The following DCC variants were observed in gnomAD, a reference collection of about 807,000 sequenced individuals.
DCC encodes the protein DCC netrin 1 receptor, also known as netrin receptor DCC.
In DCC, 58 loss-of-function variants were observed where a neutral mutation model predicts 172.5. That is an observed-to-expected ratio of 0.34 (90% CI 0.27 to 0.42). The LOEUF (loss-of-function observed/expected upper bound fraction) is 0.42, where lower values mean the gene tolerates loss of function less well. Among genes scored for constraint, DCC ranks in the 10% least tolerant of loss-of-function variants. The pLI, the probability that DCC is intolerant of heterozygous loss-of-function variation, is 1.00. For synonymous variants in DCC, 709 were observed against 644.5 expected (o/e 1.10, Z -1.52); for missense variants, 1,740 against 1,791.0 (o/e 0.97, Z 0.51).
chr18:53,157,553 C>T (rs1255173749), intron 8 of DCC, 41 bp downstream of exon 8: 1 of 1,605,932 alleles, frequency 6.2e-7, no homozygotes, highest in East Asian at 2.2e-5. Context: ...AATCGGTCAT[C>T]TCTTTAAGTC....
At chr18:52,664,542 C>A (rs1351271764) in intron 1 of DCC, among the ~76,000 whole-genome samples, 2 of 137,886 alleles carry the variant, frequency 1.5e-5, no homozygotes, top group African/African-American at 5.5e-5. Context: ...GCGATCTCGG[C>A]TCACTGCAAA....
intron 2 of DCC, among the ~76,000 whole-genome samples, chr18:52,790,258 T>A (rs1038897155): frequency 6.6e-6 from 1 of 152,192 alleles, no homozygotes; most frequent in Non-Finnish European, 1.5e-5. Context: ...GCTTATGGGA[T>A]CCTGGGTCTG....
At chr18:52,889,051 G>C (rs1343200361) in intron 2 of DCC, among the ~76,000 whole-genome samples, 1 of 152,102 alleles carries the variant, frequency 6.6e-6, no homozygotes, top group Non-Finnish European at 1.5e-5. Flanking sequence ...CTCAACAGGG[G>C]AGGGAATGCT....
chr18:52,861,011 C>CA (rs74178687), intron 2 of DCC, among the ~76,000 whole-genome samples: 15,135 of 120,830 alleles, frequency 0.13, 1,570 homozygotes, highest in African/African-American at 0.29. Context: ...GAATCCATTT[C>CA]AAAAAAAAAA....
rs1006813494 is a variant in DCC at position 53,533,349 on chromosome 18, C to T, written c.*2696C>T. ...TCTCTCTGATTCCCATTGGGTGATA[C>T]CTGACAGCCAACCAGCCGCTCTGCC... On this transcript the variant is annotated 3_prime_UTR_variant, in exon 29 of 29. Coordinates refer to ENST00000442544, the MANE Select transcript of DCC (RefSeq NM_005215.4). 6.6e-6 allele frequency: 1 copy of T among 152,130 alleles called. No individual in the cohort carries two copies. The highest frequency in any genetic ancestry group is 1.5e-5 in the Non-Finnish European group (1 of 68,036). 9.4% of individuals were successfully genotyped at this position (152,130 alleles called of 1,614,324 possible). A position where few individuals can be genotyped will look rare whatever the true frequency, so the allele number is the denominator to read the frequency against.
At chr18:52,634,953 C>T (rs1489547549) in intron 1 of DCC, among the ~76,000 whole-genome samples, 1 of 152,104 alleles carries the variant, frequency 6.6e-6, no homozygotes, top group Non-Finnish European at 1.5e-5. Context: ...TAAGATTTAG[C>T]TCTATTAAGT....
chr18:53,525,314 AT>A (rs939915796), intron 27 of DCC, among the ~76,000 whole-genome samples: 2 of 152,082 alleles, frequency 1.3e-5, no homozygotes, highest in Non-Finnish European at 2.9e-5. Context: ...CACTCAGTAA[AT>A]ATTATTTCCA....
intron 1 of DCC, among the ~76,000 whole-genome samples, chr18:52,571,485 A>G (rs548952152): frequency 6.6e-6 from 1 of 152,142 alleles, no homozygotes; most frequent in African/African-American, 2.4e-5. Context: ...TGATAGAACA[A>G]AACTTTTGAC....
intron 12 of DCC, among the ~76,000 whole-genome samples, chr18:53,305,062 A>C (rs2057184417): frequency 6.6e-6 from 1 of 152,164 alleles, no homozygotes; most frequent in South Asian, 2.1e-4. Flanking sequence ...GCCTGCTGCC[A>C]TGTAAGACAT....
chr18:52,401,055 T>A (rs1013051857), intron 1 of DCC, among the ~76,000 whole-genome samples: 5 of 151,892 alleles, frequency 3.3e-5, no homozygotes, highest in African/African-American at 1.2e-4. Flanking sequence ...TATACATATG[T>A]AACAAACCTG....
At chr18:52,858,042 C>T (rs1252025536) in intron 2 of DCC, among the ~76,000 whole-genome samples, 1 of 152,150 alleles carries the variant, frequency 6.6e-6, no homozygotes, top group Non-Finnish European at 1.5e-5. Context: ...TTGCTGGAAC[C>T]TCATCCTGAT....
intron 1 of DCC, among the ~76,000 whole-genome samples, chr18:52,624,288 C>T (rs1022515820): frequency 2.0e-5 from 3 of 152,118 alleles, no homozygotes; most frequent in African/African-American, 4.8e-5. Context: ...TAATCCTTCT[C>T]GTCTGCTTTT....
intron 3 of DCC, among the ~76,000 whole-genome samples, chr18:52,914,663 T>A (rs1005364129): frequency 5.3e-5 from 8 of 151,730 alleles, no homozygotes; most frequent in African/African-American, 1.9e-4. Flanking sequence ...AACACAGAGT[T>A]AGGAGTTTCA....
At chr18:53,409,093 T>C (rs1368707980) in intron 19 of DCC, among the ~76,000 whole-genome samples, 1 of 152,170 alleles carries the variant, frequency 6.6e-6, no homozygotes, top group Non-Finnish European at 1.5e-5. Context: ...TACCTTAAAG[T>C]AGACCTTAAT....
rs2045593529 is a variant in DCC at position 53,464,374 on chromosome 18, A to G, written c.3620-3520A>G. Among the ~76,000 whole-genome samples the G allele has an allele frequency of 2.6e-5, 4 of 152,204 alleles. No individual in the cohort carries two copies. In the South Asian group the frequency reaches 8.3e-4, roughly 32 times the overall value. On this transcript the variant is annotated intron_variant, in intron 24 of 28. Transcript: ENST00000442544. ...ATCTATAAAAGAGCTACATAACACC[A>G]AATGGGCAATGTGATTTAACACTTA...
At position 53,049,530 on chromosome 18, in the gene DCC, T is replaced by A. The variant is rs201424332; in HGVS notation, c.986-13775T>A. 1.5e-4 allele frequency among the ~76,000 whole-genome samples: 23 copies of A among 152,150 alleles called. 1 individual carries two copies. The East Asian group carries it at 4.1e-3, about 27-fold the overall frequency. On this transcript the variant is annotated intron_variant, in intron 5 of 28. Transcript: ENST00000442544. ...ATTATTTCTGGGCTCTCTATTCTAT[T>A]TTATTTGTCTAAGTGTCTGCTTTTG...
intron 15 of DCC, among the ~76,000 whole-genome samples, chr18:53,359,732 C>T (rs2057923276): frequency 6.6e-6 from 1 of 152,138 alleles, no homozygotes; most frequent in Admixed American, 6.5e-5. Context: ...GGAAGTTCTG[C>T]CCTACCTCTT....
chr18:52,391,286 C>T (rs958062661), intron 1 of DCC, among the ~76,000 whole-genome samples: 2 of 152,052 alleles, frequency 1.3e-5, no homozygotes, highest in Non-Finnish European at 2.9e-5. Flanking sequence ...GAAGGACCCT[C>T]AAATGTTGCT....
At chr18:52,753,356 C>A (rs1340465172) in intron 2 of DCC, among the ~76,000 whole-genome samples, 1 of 152,204 alleles carries the variant, frequency 6.6e-6, no homozygotes, top group African/African-American at 2.4e-5. Context: ...AGGACCTCAA[C>A]TGGCTGCGTA....
Sources: gnomAD v4.1 joint callset for allele counts (sites outside exome capture counted in the v4.1 genomes callset) on GRCh38, gnomAD v4.1.1 for gene constraint, MANE v1.5 for transcripts, NCBI Gene and HGNC (gene_info 2026-07-23, HGNC 2026-07-21) for gene names.